Variants in GOT2 observed in about 807,000 individuals in gnomAD.
The protein encoded by GOT2 is aspartate aminotransferase, mitochondrial.
Under a neutral mutation model 50.0 loss-of-function variants are expected in GOT2, and 17 were observed. The observed-to-expected ratio is 0.34, with a 90% CI of 0.23 to 0.51. GOT2 has a LOEUF of 0.51. Ranked by LOEUF, GOT2 falls within the 20% of genes least tolerant of loss-of-function variation. The pLI is 0.97. For synonymous variants in GOT2, 172 were observed against 204.9 expected (o/e 0.84, Z 1.37); for missense variants, 430 against 559.6 (o/e 0.77, Z 2.34).
Position 58,719,239 on chromosome 16 carries a change from G to A in GOT2, c.392C>T (p.Thr131Ile). 1 of 1,613,014 alleles carries A rather than the reference G, an allele frequency of 6.2e-7. No homozygotes were observed. The highest frequency in any genetic ancestry group is 8.5e-7 in the Non-Finnish European group (1 of 1,179,096). ...LKSGRFVTVQ[T>I]ISGTGALRIG... is the part of the protein sequence containing the mutation. ...CCTTAAGGCTCCAGTTCCAGAAATGGTCTGCACAGTGACAAACTGAAGGAG... is the reference window on the plus strand; with the variant it reads ...CCTTAAGGCTCCAGTTCCAGAAATGATCTGCACAGTGACAAACTGAAGGAG... Residue 131 changes from threonine (T) to isoleucine (I), a missense_variant, in exon 4 of 10, where the codon ACC becomes ATC. By Grantham distance (89) the Thr-to-Ile change is moderately conservative. Coordinates refer to ENST00000245206, the MANE Select transcript of GOT2 (RefSeq NM_002080.4).
intron 3 of GOT2, 26 bp from the exon 4 acceptor site, chr16:58,719,281 T>A (rs2152095462): frequency 6.4e-7 from 1 of 1,568,870 alleles, no homozygotes; most frequent in Non-Finnish European, 8.8e-7. Context: ...CCACGGTCAG[T>A]GATGTGCAAC....
At chr16:58,733,815 T>C (rs1006505104) in intron 1 of GOT2, 3 of 291,472 alleles carry the variant, frequency 1.0e-5, no homozygotes, top group Non-Finnish European at 1.9e-5. Flanking sequence ...GCCCCAGTAC[T>C]ATCCGCACCC....
intron 1 of GOT2, among the ~76,000 whole-genome samples, chr16:58,729,929 A>AAG (rs2044820426): frequency 6.6e-6 from 1 of 152,106 alleles, no homozygotes; most frequent in African/African-American, 2.4e-5. Flanking sequence ...TTTTTTTTTA[A>AAG]AAATGTAATA....
chr16:58,722,736 T>C (rs2044752160), intron 2 of GOT2, among the ~76,000 whole-genome samples: 1 of 152,172 alleles, frequency 6.6e-6, no homozygotes. Flanking sequence ...TGATAGTTTG[T>C]ATTGCAGAAC....
At chr16:58,712,108 C>T (rs1216266263) in intron 8 of GOT2, among the ~76,000 whole-genome samples, 1 of 152,132 alleles carries the variant, frequency 6.6e-6, no homozygotes, top group Non-Finnish European at 1.5e-5. Flanking sequence ...CCTTTCCCCT[C>T]TTTAATGCAC....
In GOT2 at chr16:58,716,123, C is replaced by T. The variant is rs2044690197; in HGVS notation, c.910G>A (p.Val304Ile). 1 of 1,613,948 alleles carries T rather than the reference C, an allele frequency of 6.2e-7. No homozygotes were observed. The highest frequency in any genetic ancestry group is 1.6e-4 in the Middle Eastern group (1 of 6,062). The part of the protein sequence containing the change: ...VCKDADEAKR[V>I]ESQLKILIRP... ...ATCAAGATCTTCAACTGTGACTCTA[C>T]CCTTTTGGCTTCATCCGCATCTTTG... The change falls in exon 8 of 10, where the codon GTA becomes ATA. Residue 304 changes from valine (V) to isoleucine (I), a missense_variant. Transcript: ENST00000245206.
chr16:58,713,555 C>T (rs1468700854), intron 8 of GOT2, among the ~76,000 whole-genome samples: 1 of 152,070 alleles, frequency 6.6e-6, no homozygotes, highest in Non-Finnish European at 1.5e-5. Flanking sequence ...TTAGTATTTA[C>T]TTTAATCTTC....
At chr16:58,714,500 C>T (rs986412906) in intron 8 of GOT2, among the ~76,000 whole-genome samples, 3 of 149,940 alleles carry the variant, frequency 2.0e-5, no homozygotes, top group Admixed American at 6.7e-5. Context: ...TGCAGTGAGC[C>T]GAGATCCCGC....
chr16:58,721,320 AC>A (rs1220210005), intron 3 of GOT2, among the ~76,000 whole-genome samples: 2 of 152,186 alleles, frequency 1.3e-5, no homozygotes, highest in Non-Finnish European at 2.9e-5. Flanking sequence ...AAGAAAGTGA[AC>A]CACAATGTGC....
At position 58,719,213 on chromosome 16, in the gene GOT2, T is replaced by C. The variant is rs1234869919; in HGVS notation, c.418A>G (p.Ile140Val). Reference protein sequence around the residue: ...QTISGTGALRIGASFLQRFFK... With the variant: ...QTISGTGALRVGASFLQRFFK... ...AGACTCACCAGAAAACTGGCTCCGATCCTTAAGGCTCCAGTTCCAGAAATG... is the reference window on the plus strand; with the variant it reads ...AGACTCACCAGAAAACTGGCTCCGACCCTTAAGGCTCCAGTTCCAGAAATG... Residue 140 changes from isoleucine to valine, a missense_variant, in exon 4 of 10, where the codon ATC (isoleucine) becomes GTC (valine). Physicochemically the swap from Ile to Val is conservative, Grantham distance 29. Transcript: ENST00000245206. The C allele has an allele frequency of 6.2e-7, 1 of 1,613,164 alleles. No homozygotes were observed. The highest frequency in any genetic ancestry group is 8.5e-7 in the Non-Finnish European group (1 of 1,179,216).
At chr16:58,734,105 T>A in intron 1 of GOT2, 35 bp downstream of exon 1, 7 of 1,235,482 alleles carry the variant, frequency 5.7e-6, no homozygotes, top group Non-Finnish European at 7.2e-6. Context: ...GGCAGGGCCA[T>A]CGCCCTGGCT....
chr16:58,721,698 T>C (rs2044741192), intron 3 of GOT2: 1 of 152,464 alleles, frequency 6.6e-6, no homozygotes, highest in Non-Finnish European at 1.5e-5. Flanking sequence ...CAATTTACTA[T>C]CAAATAAGAA....
chr16:58,734,026 CGT>C (rs1567492540), intron 1 of GOT2, 112 bp downstream of exon 1: 2 of 454,386 alleles, frequency 4.4e-6, no homozygotes, highest in Non-Finnish European at 7.2e-6. Flanking sequence ...TGTGTGTGTG[CGT>C]GTGAGTGACA....
Position 58,734,200 on chromosome 16 carries a change from A to C in GOT2, c.29T>G (p.Leu10Arg). The change falls in exon 1 of 10, where the codon CTC becomes CGC. Residue 10 changes from leucine to arginine, a missense_variant. Coordinates refer to ENST00000245206, the MANE Select transcript of GOT2 (RefSeq NM_002080.4). The part of the protein sequence containing the change: MALLHSGRV[L>R]PGIAAAFHPG... Reference sequence around the variant, plus strand: ...GTGGAAGGCGGCGGCGATCCCGGGGAGGACGCGGCCGGAGTGCAGCAGGGC... The same window carrying C: ...GTGGAAGGCGGCGGCGATCCCGGGGCGGACGCGGCCGGAGTGCAGCAGGGC... 1 of 1,337,454 alleles carries C rather than the reference A, an allele frequency of 7.5e-7. No individual in the cohort carries two copies. The highest frequency in any genetic ancestry group is 9.6e-7 in the Non-Finnish European group (1 of 1,038,214). The allele number at this position is 1,337,454 out of a possible 1,614,324, so 82.8% of individuals were successfully genotyped here.
At position 58,723,742 on chromosome 16, in the gene GOT2, T is replaced by C; in HGVS notation, c.246+4A>G. The C allele has an allele frequency of 6.2e-7, 1 of 1,610,102 alleles. No homozygotes were observed. The highest frequency in any genetic ancestry group is 8.5e-7 in the Non-Finnish European group (1 of 1,176,600). ...ATTCAAAAGGAGATGAACAGCAAGC[T>C]CACCTTGCGGACGCTAGGCAGAACG... is the stretch of plus-strand genomic sequence containing the variant. On this transcript the variant is annotated splice_donor_region_variant and intron_variant, in intron 2 of 9. Coordinates refer to ENST00000245206, the MANE Select transcript of GOT2 (RefSeq NM_002080.4).
intron 1 of GOT2, among the ~76,000 whole-genome samples, chr16:58,730,111 G>A (rs983140122): frequency 6.6e-6 from 1 of 152,126 alleles, no homozygotes; most frequent in African/African-American, 2.4e-5. Flanking sequence ...CCTAGCTAGG[G>A]AACACTGACA....
chr16:58,729,533 CA>C (rs1298386055), intron 1 of GOT2, among the ~76,000 whole-genome samples: 2 of 148,380 alleles, frequency 1.3e-5, no homozygotes, highest in Non-Finnish European at 3.0e-5. Context: ...AAAGAAAAAA[CA>C]ATGGTCTGTA....
At chr16:58,715,626 C>A (rs534050013) in intron 8 of GOT2, among the ~76,000 whole-genome samples, 3 of 152,332 alleles carry the variant, frequency 2.0e-5, no homozygotes, top group Non-Finnish European at 4.4e-5. Context: ...AATCTCGGCT[C>A]ACTGCAGCCT....
chr16:58,734,195 C>T lies in GOT2; in HGVS notation c.34G>A (p.Gly12Arg), dbSNP rs1201172050. 5 of 1,336,400 alleles carry T rather than the reference C, an allele frequency of 3.7e-6. No individual in the cohort carries two copies. The highest frequency in any genetic ancestry group is 3.0e-5 in the Admixed American group (1 of 33,218). 82.8% of individuals were successfully genotyped at this position (1,336,400 alleles called of 1,614,324 possible). The change falls in exon 1 of 10, where the codon GGG becomes AGG. Residue 12 changes from glycine to arginine, a missense_variant. By Grantham distance (125) the Gly-to-Arg change is moderately radical. Transcript: ENST00000245206. ...CCCGGGTGGAAGGCGGCGGCGATCCCGGGGAGGACGCGGCCGGAGTGCAGC... is the reference window on the plus strand; with the variant it reads ...CCCGGGTGGAAGGCGGCGGCGATCCTGGGGAGGACGCGGCCGGAGTGCAGC... The part of the protein sequence containing the change: ...ALLHSGRVLP[G>R]IAAAFHPGLA...
Sources: gnomAD v4.1 joint callset for allele counts (sites outside exome capture counted in the v4.1 genomes callset) on GRCh38, gnomAD v4.1.1 for gene constraint, MANE v1.5 for transcripts, NCBI Gene and HGNC (gene_info 2026-07-23, HGNC 2026-07-21) for gene names.